TET1: variants seen among roughly 807,000 people sequenced by gnomAD.
TET1 encodes the protein tet methylcytosine dioxygenase 1, also known as methylcytosine dioxygenase TET1.
TET1 carries 13 observed loss-of-function variants against 148.7 expected under a neutral mutation model. That is an observed-to-expected ratio of 0.09 (90% CI 0.06 to 0.14). The LOEUF is 0.14. Among genes scored for constraint, TET1 ranks in the 10% least tolerant of loss-of-function variants. The probability of loss-of-function intolerance (pLI) is 1.00; values close to 1 mark genes in which losing one functional copy is unlikely to be tolerated. For synonymous variants in TET1, 907 were observed against 937.2 expected (o/e 0.97, Z 0.59); for missense variants, 2,182 against 2,553.8 (o/e 0.85, Z 3.14).
intron 3 of TET1, among the ~76,000 whole-genome samples, chr10:68,605,879 A>ATGTTTGT (rs1489838626): frequency 4.6e-5 from 7 of 152,172 alleles, no homozygotes; most frequent in Admixed American, 2.6e-4. Context: ...TACTCTGGTT[A>ATGTTTGT]TGTTTGTTGT....
At chr10:68,575,187 G>A (rs57523358) in intron 2 of TET1, among the ~76,000 whole-genome samples, 3 of 151,878 alleles carry the variant, frequency 2.0e-5, no homozygotes, top group Non-Finnish European at 2.9e-5. Context: ...AGTTTGGGAC[G>A]AGCCTGGCTG....
intron 6 of TET1, among the ~76,000 whole-genome samples, chr10:68,654,615 T>C (rs1002374083): frequency 3.3e-5 from 5 of 151,930 alleles, no homozygotes; most frequent in Non-Finnish European, 5.9e-5. Context: ...AGACTCCGTC[T>C]CAAAAAAAAC....
intron 6 of TET1, among the ~76,000 whole-genome samples, chr10:68,656,395 T>C (rs1241436228): frequency 2.0e-5 from 3 of 152,104 alleles, no homozygotes; most frequent in African/African-American, 7.2e-5. Context: ...CCTGAGTAGC[T>C]GGGACTACAG....
intron 1 of TET1, among the ~76,000 whole-genome samples, chr10:68,564,644 C>T (rs1341616786): frequency 6.6e-6 from 1 of 152,128 alleles, no homozygotes; most frequent in Non-Finnish European, 1.5e-5. Flanking sequence ...ACAGGGTCTC[C>T]AGTCTTATTT....
intron 3 of TET1, among the ~76,000 whole-genome samples, chr10:68,638,001 A>C (rs919686787): frequency 2.6e-5 from 4 of 152,060 alleles, no homozygotes; most frequent in African/African-American, 7.2e-5. Flanking sequence ...GCTGGTCTTG[A>C]ACTCCTTACC....
In TET1 at chr10:68,693,623, G is replaced by A; in HGVS notation, c.*1809G>A. On this transcript the variant is annotated 3_prime_UTR_variant, in exon 12 of 12. Transcript: ENST00000373644. Reference sequence around the variant, plus strand: ...AATATGTAAAATAGGGTAATTCATTGACTTGTTTTAGTATTTTGTGTGCCT... The same window carrying A: ...AATATGTAAAATAGGGTAATTCATTAACTTGTTTTAGTATTTTGTGTGCCT... The A allele has an allele frequency of 4.3e-6, 1 of 232,490 alleles. No individual in the cohort carries two copies. Among genetic ancestry groups the A allele is most frequent in the Non-Finnish European group, 8.5e-6 (1 of 117,638 alleles). The allele number at this position is 232,490 out of a possible 1,614,324, so 14.4% of individuals were successfully genotyped here.
intron 1 of TET1, among the ~76,000 whole-genome samples, chr10:68,565,481 T>A (rs535988099): frequency 0.079 from 8,260 of 104,544 alleles, 331 homozygotes; most frequent in African/African-American, 0.12. Flanking sequence ...AAAAAATATA[T>A]ATATATATAT....
intron 6 of TET1, among the ~76,000 whole-genome samples, chr10:68,656,743 G>A (rs1173845148): frequency 6.6e-6 from 1 of 152,170 alleles, no homozygotes; most frequent in Non-Finnish European, 1.5e-5. Flanking sequence ...ATGTATTTTA[G>A]GGCTGGGTGA....
At chr10:68,676,752 C>T (rs936035845) in intron 8 of TET1, among the ~76,000 whole-genome samples, 4 of 152,084 alleles carry the variant, frequency 2.6e-5, no homozygotes, top group Non-Finnish European at 4.4e-5. Flanking sequence ...CTTGTTTGTT[C>T]CCTAACTGAA....
chr10:68,587,231 C>T (rs1326999111), intron 2 of TET1, among the ~76,000 whole-genome samples: 5 of 152,094 alleles, frequency 3.3e-5, no homozygotes, highest in Non-Finnish European at 7.4e-5. Context: ...ATATTTCATA[C>T]GCAACACCAT....
In TET1 at chr10:68,596,989, C is replaced by CATTTT. The variant is rs921191692; in HGVS notation, c.1915-3976_1915-3972dup. On this transcript the variant is annotated intron_variant, in intron 2 of 11. Transcript: ENST00000373644. ...ACACCTAACCCTCTGAGCCTGATTT[C>CATTTT]ATTTTATTTTATTTTATTTTCATGA... 5.0e-5 allele frequency among the ~76,000 whole-genome samples: 7 copies of CATTTT among 138,640 alleles called. No homozygotes were observed. The South Asian group carries it at 9.3e-4, about 19-fold the overall frequency. The allele number at this position is 138,640 out of a possible 152,430, so 91.0% of individuals were successfully genotyped here.
chr10:68,611,238 C>T (rs1019644347), intron 3 of TET1, among the ~76,000 whole-genome samples: 1 of 151,936 alleles, frequency 6.6e-6, no homozygotes, highest in African/African-American at 2.4e-5. Flanking sequence ...TTGCAGTGAG[C>T]TGAGATTGTG....
In TET1 at chr10:68,693,520, T is replaced by TA. The variant is rs372094932; in HGVS notation, c.*1709dup. 4.3e-3 allele frequency: 1,006 copies of TA among 233,280 alleles called. 7 individuals carry two copies. Among genetic ancestry groups the TA allele is most frequent in the African/African-American group, 0.021 (939 of 45,444 alleles). The allele number at this position is 233,280 out of a possible 1,614,324, so 14.5% of individuals were successfully genotyped here. On this transcript the variant is annotated 3_prime_UTR_variant, in exon 12 of 12. Coordinates refer to ENST00000373644, the MANE Select transcript of TET1 (RefSeq NM_030625.3). Reference sequence around the variant, plus strand: ...GTTTTGAGCTTTTGACTAATCCAAGTAAAGGAATATGAAGGGATTGTAAAA... The same window carrying TA: ...GTTTTGAGCTTTTGACTAATCCAAGTAAAAGGAATATGAAGGGATTGTAAAA...
At chr10:68,593,530 G>A (rs1046551644) in intron 2 of TET1, among the ~76,000 whole-genome samples, 5 of 151,686 alleles carry the variant, frequency 3.3e-5, no homozygotes, top group East Asian at 1.9e-4. Context: ...CTCTGCCTCC[G>A]GGGTTCAAGG....
intron 1 of TET1, among the ~76,000 whole-genome samples, chr10:68,562,531 G>A (rs575103551): frequency 1.3e-5 from 2 of 152,250 alleles, no homozygotes; most frequent in African/African-American, 4.8e-5. Flanking sequence ...TAATTAGTTT[G>A]TCAGTCTTTA....
intron 6 of TET1, among the ~76,000 whole-genome samples, chr10:68,662,162 G>A (rs898948567): frequency 6.6e-6 from 1 of 151,498 alleles, no homozygotes; most frequent in Non-Finnish European, 1.5e-5. Flanking sequence ...TTGAACCACT[G>A]TGCCCTGCCC....
chr10:68,604,555 G>T (rs1052812356), intron 3 of TET1, among the ~76,000 whole-genome samples: 2 of 152,178 alleles, frequency 1.3e-5, no homozygotes, highest in South Asian at 2.1e-4. Flanking sequence ...AGTCAAGTGG[G>T]GGGTGGGTGT....
intron 3 of TET1, among the ~76,000 whole-genome samples, chr10:68,634,819 C>T (rs893348578): frequency 1.3e-5 from 2 of 152,004 alleles, no homozygotes; most frequent in African/African-American, 4.8e-5. Flanking sequence ...GTCTGGAGTG[C>T]GGTGCTGTGA....
chr10:68,634,495 G>T (rs1483384331), intron 3 of TET1, among the ~76,000 whole-genome samples: 1 of 152,212 alleles, frequency 6.6e-6, no homozygotes, highest in Non-Finnish European at 1.5e-5. Context: ...GGAATTCATT[G>T]TGAATGTTAA....
Sources: allele counts gnomAD v4.1 joint callset (sites outside exome capture counted in the v4.1 genomes callset), GRCh38; gene constraint gnomAD v4.1.1; transcripts MANE v1.5; gene names NCBI Gene and HGNC (gene_info 2026-07-23, HGNC 2026-07-21).